DHX34: variants seen among roughly 807,000 people sequenced by gnomAD.
The protein encoded by DHX34 is DExH-box helicase 34.
A neutral mutation model predicts 111.1 loss-of-function variants in DHX34; 96 were observed. The observed-to-expected ratio is 0.86, with a 90% CI of 0.73 to 1.02. The LOEUF (loss-of-function observed/expected upper bound fraction) is 1.02, where lower values mean the gene tolerates loss of function less well. Among genes scored for constraint, DHX34 ranks in the 50% least tolerant of loss-of-function variants. The pLI, the probability that DHX34 is intolerant of heterozygous loss-of-function variation, is 0.00. For missense variants in DHX34, 1,560 were observed against 1,579.9 expected (o/e 0.99, Z 0.21); for synonymous variants, 688 against 670.4 (o/e 1.03, Z -0.41).
At chr19:47,381,129 C>T (rs1484354586) in intron 15 of DHX34, 57 bp from the exon 16 acceptor site, 26 of 1,603,510 alleles carry the variant, frequency 1.6e-5, no homozygotes, top group African/African-American at 5.4e-5. Context: ...CGGGGGGGCA[C>T]TTGGGTGGTG....
chr19:47,379,222 T>C (rs1482999618), intron 13 of DHX34, among the ~76,000 whole-genome samples: 1 of 152,130 alleles, frequency 6.6e-6, no homozygotes, highest in African/African-American at 2.4e-5. Flanking sequence ...TATGGAGCCC[T>C]CCTGTACCAT....
intron 7 of DHX34, among the ~76,000 whole-genome samples, chr19:47,367,428 CCTAG>C (rs1969825676): frequency 3.3e-5 from 5 of 152,108 alleles, no homozygotes; most frequent in African/African-American, 1.2e-4. Context: ...TCAGATGGTG[CCTAG>C]TGTTCTGGAG....
In DHX34 at chr19:47,380,871, G is replaced by C. The variant is rs1970330776; in HGVS notation, c.3038G>C (p.Gly1013Ala). 2 of 1,613,882 alleles carry C rather than the reference G, an allele frequency of 1.2e-6. No homozygotes were observed. The highest frequency in any genetic ancestry group is 1.3e-5 in the African/African-American group (1 of 74,992). ...TGLEVQNMYV[G>A]PQTIPATPHL... ...CTAGAAGTCCAGAACATGTATGTGGGACCCCAGACCATCCCAGCCACCCCC... is the reference window on the plus strand; with the variant it reads ...CTAGAAGTCCAGAACATGTATGTGGCACCCCAGACCATCCCAGCCACCCCC... Residue 1013 changes from glycine to alanine, a missense_variant, in exon 15 of 17, where the codon GGA becomes GCA. Transcript: ENST00000328771.
At chr19:47,374,424 C>T (rs1259060062) in intron 9 of DHX34, among the ~76,000 whole-genome samples, 6 of 127,418 alleles carry the variant, frequency 4.7e-5, no homozygotes, top group African/African-American at 2.0e-4. Flanking sequence ...GCAACAAGAG[C>T]GAAACTCCAC....
rs969129372 is a variant in DHX34, at chr19:47,353,896, A to G, written c.705+161A>G. 2.0e-5 allele frequency among the ~76,000 whole-genome samples: 3 copies of G among 152,208 alleles called. No homozygotes were observed. The highest frequency in any genetic ancestry group is 7.2e-5 in the African/African-American group (3 of 41,448). On this transcript the variant is annotated intron_variant, in intron 2 of 16. Transcript: ENST00000328771. This position sits in a 1 kb window ranked among gnomAD's most constrained non-coding sequence, Gnocchi z 4.6. ...ACAGAGTGGCTTGTCTGTGGTCTAC[A>G]TGACAAAGGAGCTAGCATTAACCAG... is the stretch of plus-strand genomic sequence containing the variant.
In DHX34 at chr19:47,376,565, A is replaced by G. The variant is rs1362314481; in HGVS notation, c.2599+5A>G. On this transcript the variant is annotated splice_donor_5th_base_variant and intron_variant, in intron 12 of 16. Coordinates refer to ENST00000328771, the MANE Select transcript of DHX34 (RefSeq NM_014681.6). Reference sequence around the variant, plus strand: ...GCAACTGCGACGGAAGCCGAGGTACAGTGAGCCCAGGCGGAAGGAACCCCC... The same window carrying G: ...GCAACTGCGACGGAAGCCGAGGTACGGTGAGCCCAGGCGGAAGGAACCCCC... The G allele has an allele frequency of 3.2e-6, 5 of 1,553,898 alleles. No homozygotes were observed. In the South Asian group the frequency reaches 5.9e-5, roughly 18 times the overall value.
chr19:47,379,849 G>C lies in DHX34; in HGVS notation c.2846G>C (p.Arg949Pro). 6.2e-7 allele frequency: 1 copy of C among 1,613,748 alleles called. No individual in the cohort carries two copies. Among genetic ancestry groups the C allele is most frequent in the Non-Finnish European group, 8.5e-7 (1 of 1,179,830 alleles). The change falls in exon 14 of 17, where the codon CGC becomes CCC. Residue 949 changes from arginine to proline, a missense_variant. Coordinates refer to ENST00000328771, the MANE Select transcript of DHX34 (RefSeq NM_014681.6). ...LLAASLRLRARWESALDRQLA... is the reference protein window; with the variant it reads ...LLAASLRLRAPWESALDRQLA... ...GCGGCTTCCCTGCGGCTCCGTGCCC[G>C]CTGGGAAAGTGCCCTGGACCGGCAG...
chr19:47,353,725 A>G lies in DHX34; in HGVS notation c.695A>G (p.Tyr232Cys), dbSNP rs780910940. Reference sequence around the variant, plus strand: ...GTGGGCTTTGAGAGCCTCAGTCAGTATGGCTCACAGGTGAGTGGGACGCAC... The same window carrying G: ...GTGGGCTTTGAGAGCCTCAGTCAGTGTGGCTCACAGGTGAGTGGGACGCAC... Reference protein sequence around the residue: ...KRVGFESLSQYGSQVGYQIRF... With the variant: ...KRVGFESLSQCGSQVGYQIRF... The change falls in exon 2 of 17, where the codon TAT (tyrosine) becomes TGT (cysteine). Residue 232 changes from tyrosine to cysteine, a missense_variant. Transcript: ENST00000328771. The surrounding 1 kb of genome is among the most constrained non-coding windows in gnomAD (Gnocchi z 4.6). The G allele has an allele frequency of 5.6e-6, 9 of 1,593,018 alleles. No individual in the cohort carries two copies. The highest frequency in any genetic ancestry group is 6.0e-6 in the Non-Finnish European group (7 of 1,166,770).
At position 47,372,632 on chromosome 19, in the gene DHX34, G is replaced by A. The variant is rs1003048871; in HGVS notation, c.1769-98G>A. 2.5e-5 allele frequency: 36 copies of A among 1,453,340 alleles called. 1 individual carries two copies. In the African/African-American group the frequency reaches 3.7e-4, roughly 15 times the overall value. The allele number at this position is 1,453,340 out of a possible 1,614,324, so 90.0% of individuals were successfully genotyped here. On this transcript the variant is annotated intron_variant, in intron 7 of 16. Coordinates refer to ENST00000328771, the MANE Select transcript of DHX34 (RefSeq NM_014681.6). ...AGTGGGCAAGATGGAGGGGGTGGGAGCAGGAGGGCAGGCGGGAGGGCAGGC... is the reference window on the plus strand; with the variant it reads ...AGTGGGCAAGATGGAGGGGGTGGGAACAGGAGGGCAGGCGGGAGGGCAGGC...
chr19:47,370,160 G>C (rs1237291810), intron 7 of DHX34, among the ~76,000 whole-genome samples: 1 of 152,162 alleles, frequency 6.6e-6, no homozygotes, highest in Non-Finnish European at 1.5e-5. Flanking sequence ...AGAATGTGAC[G>C]CAAAGTGCCC....
At position 47,367,105 on chromosome 19, in the gene DHX34, TCA is replaced by T. The variant is rs1969813036; in HGVS notation, c.1722_1723del (p.Pro575HisfsTer38). 6.3e-7 allele frequency: 1 copy of T among 1,594,722 alleles called. No individual in the cohort carries two copies. Among genetic ancestry groups the T allele is most frequent in the Non-Finnish European group, 8.5e-7 (1 of 1,170,574 alleles). ...GGGGCCCTGGACAGCTCAGAGGCCC[TCA>T]CACCCATTGGGTCCCTGCTAGCCCA... On this transcript the variant is annotated frameshift_variant, in exon 7 of 17. Transcript: ENST00000328771. LOFTEE classifies it high-confidence loss of function.
chr19:47,352,538 G>A (rs1023444814), intron 1 of DHX34, among the ~76,000 whole-genome samples: 1 of 152,094 alleles, frequency 6.6e-6, no homozygotes, highest in Non-Finnish European at 1.5e-5. Context: ...AGCTGGGTGT[G>A]GTGGCATGTG....
At chr19:47,380,103 T>G in intron 14 of DHX34, 118 bp downstream of exon 14, 1 of 1,430,446 alleles carries the variant, frequency 7.0e-7, no homozygotes, top group Non-Finnish European at 9.2e-7. Flanking sequence ...TTTGGGGGTT[T>G]TCAGGCCACA....
At chr19:47,369,849 C>A (rs1012290110) in intron 7 of DHX34, among the ~76,000 whole-genome samples, 4 of 152,058 alleles carry the variant, frequency 2.6e-5, no homozygotes, top group African/African-American at 9.7e-5. Flanking sequence ...GTTGACCTGG[C>A]GGTTCTGTGA....
At chr19:47,381,599 CTTG>C (rs930257896) in intron 16 of DHX34, 7 of 590,932 alleles carry the variant, frequency 1.2e-5, no homozygotes, top group African/African-American at 1.1e-4. Context: ...GGCTATGTCT[CTTG>C]TTATTTTTCT....
chr19:47,357,697 T>C (rs774041801), intron 3 of DHX34, 169 bp from the exon 4 acceptor site: 47 of 962,740 alleles, frequency 4.9e-5, no homozygotes, highest in Non-Finnish European at 5.7e-5. Flanking sequence ...AGGAGAAGCC[T>C]GGATCCCTGA....
chr19:47,377,254 G>C (rs376628906), intron 13 of DHX34, 48 bp downstream of exon 13: 12 of 1,562,846 alleles, frequency 7.7e-6, no homozygotes, highest in Non-Finnish European at 1.0e-5. Context: ...TGAGAGCTGC[G>C]TTGCCCAGGG....
At chr19:47,359,926 G>C (rs1373304144) in intron 4 of DHX34, 42 bp from the exon 5 acceptor site, 3 of 1,613,546 alleles carry the variant, frequency 1.9e-6, no homozygotes, top group East Asian at 4.5e-5. Context: ...GGTTAGTCGG[G>C]GCTGAGTTAG....
intron 12 of DHX34, 84 bp from the exon 13 acceptor site, chr19:47,377,016 T>C: frequency 6.2e-7 from 1 of 1,604,076 alleles, no homozygotes; most frequent in Non-Finnish European, 8.5e-7. Flanking sequence ...TATCGATGTG[T>C]ACTTTGACCG....
Sources: gnomAD v4.1 joint callset for allele counts (sites outside exome capture counted in the v4.1 genomes callset) on GRCh38, gnomAD v4.1.1 for gene constraint, Gnocchi (gnomAD v3.1) non-coding constraint, MANE v1.5 for transcripts, NCBI Gene and HGNC (gene_info 2026-07-23, HGNC 2026-07-21) for gene names.